HELQ: variants seen among roughly 807,000 people sequenced by gnomAD.
HELQ encodes helicase, POLQ like.
Under a neutral mutation model 111.6 loss-of-function variants are expected in HELQ, and 77 were observed. The ratio of observed to expected loss-of-function variants is 0.69; its 90% confidence interval spans 0.57 to 0.83. The LOEUF is 0.83. Ranked by LOEUF, HELQ falls within the 40% of genes least tolerant of loss-of-function variation. The pLI, the probability that HELQ is intolerant of heterozygous loss-of-function variation, is 0.00. For missense variants in HELQ, 1,200 were observed against 1,288.5 expected, an observed-to-expected ratio of 0.93 and a Z score of 1.05; for synonymous variants, 438 against 454.7, an observed-to-expected ratio of 0.96 and a Z score of 0.47.
intron 14 of HELQ, among the ~76,000 whole-genome samples, chr4:83,425,618 C>T (rs994282887): frequency 2.0e-5 from 3 of 152,034 alleles, no homozygotes; most frequent in African/African-American, 4.8e-5. Context: ...ATGACAAAAG[C>T]AGTAACAAAA....
rs776894490 is a variant in HELQ at position 83,439,812 on chromosome 4, C to T, written c.1808+51G>A. The T allele has an allele frequency of 3.4e-6, 4 of 1,187,390 alleles. No individual in the cohort carries two copies. The Admixed American group carries it at 7.8e-5, about 23-fold the overall frequency. The allele number at this position is 1,187,390 out of a possible 1,614,324, so 73.6% of individuals were successfully genotyped here. On this transcript the variant is annotated intron_variant, in intron 8 of 17. Coordinates refer to ENST00000295488, the MANE Select transcript of HELQ (RefSeq NM_133636.5). ...TTGCCCAATAAAATTAATACATAGT[C>T]TGTAATTCCTAATAAAAATAAAACA... is the stretch of plus-strand genomic sequence containing the variant.
intron 11 of HELQ, 25 bp downstream of exon 11, chr4:83,431,639 A>G: frequency 8.0e-7 from 1 of 1,248,634 alleles, no homozygotes. Context: ...TAACAGTAAT[A>G]AGATAAAAAA....
At chr4:83,417,359 T>C (rs1315629417) in intron 16 of HELQ, among the ~76,000 whole-genome samples, 1 of 152,066 alleles carries the variant, frequency 6.6e-6, no homozygotes, top group Non-Finnish European at 1.5e-5. Flanking sequence ...CACGACACCA[T>C]ACTTGGCTAA....
At position 83,455,745 on chromosome 4, in the gene HELQ, A is replaced by C. The variant is rs1721757109; in HGVS notation, c.-52T>G. The C allele has an allele frequency of 6.5e-7, 1 of 1,541,396 alleles. No individual in the cohort carries two copies. Among genetic ancestry groups the C allele is most frequent in the South Asian group, 1.2e-5 (1 of 86,754 alleles). On this transcript the variant is annotated 5_prime_UTR_variant, in exon 1 of 18. The change creates a premature stop within an existing upstream ORF in the 5' untranslated region. Transcript: ENST00000295488. Reference sequence around the variant, plus strand: ...CGTCGTTCTCAGTGACCCAGACGCTAAGCCCATATGGAAGGGAGAGTGGGA... The same window carrying C: ...CGTCGTTCTCAGTGACCCAGACGCTCAGCCCATATGGAAGGGAGAGTGGGA...
chr4:83,423,918 C>CA (rs879285747), intron 14 of HELQ, among the ~76,000 whole-genome samples: 285 of 130,284 alleles, frequency 2.2e-3, no homozygotes, highest in South Asian at 4.6e-3. Flanking sequence ...GACTCTGTAT[C>CA]AAAAAAAAAA....
At chr4:83,417,191 TTTTTC>T (rs776779157) in intron 16 of HELQ, among the ~76,000 whole-genome samples, 16 of 151,812 alleles carry the variant, frequency 1.1e-4, no homozygotes, top group South Asian at 2.1e-4. Context: ...TTCTTTCTTC[TTTTTC>T]TTTTCTTTTC....
Position 83,453,506 on chromosome 4 carries a change from T to C in HELQ, c.737A>G (p.Asn246Ser). The change falls in exon 2 of 18, where the codon AAT becomes AGT. Residue 246 changes from asparagine (N) to serine (S), a missense_variant. Physicochemically the swap from Asn to Ser is conservative, Grantham distance 46. Transcript: ENST00000295488. ...PHNCIEQPQQ[N>S]DESSSKVRTS... Reference sequence around the variant, plus strand: ...TCTGACTTTGGAAGAGGACTCATCATTTTGCTGGGGTTGCTCTATGCAATT... The same window carrying C: ...TCTGACTTTGGAAGAGGACTCATCACTTTGCTGGGGTTGCTCTATGCAATT... 6.2e-7 allele frequency: 1 copy of C among 1,613,818 alleles called. No individual in the cohort carries two copies. Among genetic ancestry groups the C allele is most frequent in the Non-Finnish European group, 8.5e-7 (1 of 1,179,940 alleles).
At chr4:83,441,169 C>T in intron 7 of HELQ, 136 bp downstream of exon 7, 1 of 623,266 alleles carries the variant, frequency 1.6e-6, no homozygotes, top group Non-Finnish European at 2.9e-6. Context: ...TGGCAGTCTG[C>T]ATGGTGTCCA....
At chr4:83,453,204 T>A (rs762898638) in intron 2 of HELQ, 27 bp downstream of exon 2, 70 of 1,465,602 alleles carry the variant, frequency 4.8e-5, no homozygotes, top group Admixed American at 1.6e-4. Context: ...AGGAAAAAAA[T>A]TTTTTTATTC....
At chr4:83,441,516 C>T in intron 6 of HELQ, 113 bp from the exon 7 acceptor site, 1 of 548,730 alleles carries the variant, frequency 1.8e-6, no homozygotes. Flanking sequence ...TTTAGCTTTT[C>T]TAAGATACAT....
In HELQ at chr4:83,453,875, A is replaced by C. The variant is rs753388205; in HGVS notation, c.368T>G (p.Val123Gly). 1 of 1,614,084 alleles carries C rather than the reference A, an allele frequency of 6.2e-7. No homozygotes were observed. Among genetic ancestry groups the C allele is most frequent in the South Asian group, 1.1e-5 (1 of 91,084 alleles). The change falls in exon 2 of 18, where the codon GTT (valine) becomes GGT (glycine). Residue 123 changes from valine to glycine, a missense_variant. By Grantham distance (109) the Val-to-Gly change is moderately radical. This residue lies in a region of HELQ where 610 missense variants were observed against 607.1 expected (regional missense o/e 1.00). Coordinates refer to ENST00000295488, the MANE Select transcript of HELQ (RefSeq NM_133636.5). ...CATATATTTTTGTTCCAGGTCGTCA[A>C]CTTGAGCTATAAAGGAGTTTTCAGT... The part of the protein sequence containing the change: ...SFTENSFIAQ[V>G]DDLEQKYMQL...
In HELQ at chr4:83,446,883, C is replaced by T. The variant is rs778403192; in HGVS notation, c.1344G>A (p.Leu448=). ...IEKGHSLVNS[L]IETGRIDSLG... is the part of the protein sequence containing the mutation. ...GACTGTCAATTCTTCCAGTTTCAAT[C>T]AAGGAGTTCACCAAGCTATGTCCTT... The change falls in exon 4 of 18, where the codon TTG becomes TTA. Residue 448 remains leucine (L), a synonymous_variant. Transcript: ENST00000295488. 7 of 1,613,728 alleles carry T rather than the reference C, an allele frequency of 4.3e-6. No homozygotes were observed. Among genetic ancestry groups the T allele is most frequent in the Non-Finnish European group, 5.9e-6 (7 of 1,179,754 alleles).
intron 11 of HELQ, among the ~76,000 whole-genome samples, chr4:83,430,146 A>C (rs1720062652): frequency 6.6e-6 from 1 of 151,636 alleles, no homozygotes; most frequent in African/African-American, 2.4e-5. Flanking sequence ...TTTAGCTCTA[A>C]AAGTTGCATT....
chr4:83,455,250 A>T, intron 1 of HELQ, 147 bp downstream of exon 1: 1 of 1,469,308 alleles, frequency 6.8e-7, no homozygotes, highest in Non-Finnish European at 9.1e-7. Context: ...AGAAATGTAA[A>T]TAACAAGGCA....
chr4:83,414,948 T>C (rs1314158408), intron 17 of HELQ, among the ~76,000 whole-genome samples: 1 of 152,146 alleles, frequency 6.6e-6, no homozygotes, highest in Admixed American at 6.5e-5. Context: ...AGTGGTTTCA[T>C]CTATAAATTG....
At chr4:83,444,880 T>C (rs1720967919) in intron 5 of HELQ, among the ~76,000 whole-genome samples, 1 of 152,106 alleles carries the variant, frequency 6.6e-6, no homozygotes, top group South Asian at 2.1e-4. Context: ...CTAATTGGAT[T>C]TGCATTTGGG....
At chr4:83,411,843 A>G (rs917804061) in intron 17 of HELQ, among the ~76,000 whole-genome samples, 5 of 151,732 alleles carry the variant, frequency 3.3e-5, no homozygotes, top group African/African-American at 1.2e-4. Flanking sequence ...GGGTCTTGCT[A>G]TGTTGCCCAG....
chr4:83,414,376 G>A (rs964657575), intron 17 of HELQ, among the ~76,000 whole-genome samples: 1 of 152,180 alleles, frequency 6.6e-6, no homozygotes, highest in Non-Finnish European at 1.5e-5. Context: ...GCTGTGGGGT[G>A]GGGGTGGACC....
At chr4:83,424,601 C>T (rs746618038) in intron 14 of HELQ, among the ~76,000 whole-genome samples, 1 of 151,974 alleles carries the variant, frequency 6.6e-6, no homozygotes, top group Non-Finnish European at 1.5e-5. Context: ...CTCTGTCACC[C>T]AAGCTGGAGT....
Sources: allele counts gnomAD v4.1 joint callset (sites outside exome capture counted in the v4.1 genomes callset), GRCh38; gene constraint gnomAD v4.1.1; regional missense constraint gnomAD v4.1.1; transcripts MANE v1.5; gene names NCBI Gene and HGNC (gene_info 2026-07-23, HGNC 2026-07-21).